Variants in GMDS observed in about 807,000 individuals in gnomAD.
GMDS encodes the protein GDP-mannose 4,6-dehydratase, also known as GDP-mannose 4,6 dehydratase.
Under a neutral mutation model 49.9 loss-of-function variants are expected in GMDS, and 20 were observed. That is an observed-to-expected ratio of 0.40 (90% CI 0.28 to 0.58). The LOEUF is 0.58. Among genes scored for constraint, GMDS ranks in the 20% least tolerant of loss-of-function variants. The probability of loss-of-function intolerance (pLI) is 0.42; values close to 1 mark genes in which losing one functional copy is unlikely to be tolerated. For synonymous variants in GMDS, 177 were observed against 178.6 expected, an observed-to-expected ratio of 0.99 and a Z score of 0.07; for missense variants, 362 against 481.4, an observed-to-expected ratio of 0.75 and a Z score of 2.32.
chr6:1,632,963 C>T (rs945781276), intron 9 of GMDS, among the ~76,000 whole-genome samples: 3 of 152,346 alleles, frequency 2.0e-5, no homozygotes, highest in East Asian at 3.9e-4. Flanking sequence ...AACCACTTAA[C>T]TCTTTCTTAA....
At chr6:1,986,418 AG>A (rs1765550311) in intron 4 of GMDS, among the ~76,000 whole-genome samples, 1 of 152,216 alleles carries the variant, frequency 6.6e-6, no homozygotes, top group Non-Finnish European at 1.5e-5. Flanking sequence ...CCATCAACAA[AG>A]ACCCAGAACT....
intron 9 of GMDS, among the ~76,000 whole-genome samples, chr6:1,673,553 A>G (rs1026254670): frequency 2.6e-5 from 4 of 152,064 alleles, no homozygotes; most frequent in African/African-American, 9.7e-5. Flanking sequence ...TATTATTATT[A>G]CCTAAAATCC....
At chr6:2,123,814 T>C (rs1775271654) in intron 2 of GMDS, among the ~76,000 whole-genome samples, 1 of 152,214 alleles carries the variant, frequency 6.6e-6, no homozygotes, top group Non-Finnish European at 1.5e-5. Flanking sequence ...TGTTACTTCT[T>C]CAAGTCTAAA....
chr6:1,993,639 C>T (rs1405891994), intron 4 of GMDS, among the ~76,000 whole-genome samples: 1 of 152,058 alleles, frequency 6.6e-6, no homozygotes, highest in African/African-American at 2.4e-5. Flanking sequence ...TCCTCATTCT[C>T]CAATTCCTCA....
In GMDS at chr6:2,118,192, G is replaced by T. The variant is rs187812178; in HGVS notation, c.148-636C>A. Among the ~76,000 whole-genome samples the T allele has an allele frequency of 1.7e-3, 259 of 152,178 alleles. 1 individual carries two copies. Among genetic ancestry groups the T allele is most frequent in the African/African-American group, 5.9e-3 (245 of 41,484 alleles). ...GTTTTATCTTGACTTAACCATAGGTGGGGGGTGGGGGGACAGTTGATAAAA... is the reference window on the plus strand; with the variant it reads ...GTTTTATCTTGACTTAACCATAGGTTGGGGGTGGGGGGACAGTTGATAAAA... On this transcript the variant is annotated intron_variant, in intron 2 of 10. Transcript: ENST00000380815.
At position 2,003,442 on chromosome 6, in the gene GMDS, C is replaced by T. The variant is rs114396053; in HGVS notation, c.346-42476G>A. On this transcript the variant is annotated intron_variant, in intron 4 of 10. Coordinates refer to ENST00000380815, the MANE Select transcript of GMDS (RefSeq NM_001500.4). Reference sequence around the variant, plus strand: ...GAAATGACTAGTGTAAACAATCTGCCCATTAAACCATAAATTTAGCAAGCA... The same window carrying T: ...GAAATGACTAGTGTAAACAATCTGCTCATTAAACCATAAATTTAGCAAGCA... Among the ~76,000 whole-genome samples the T allele has an allele frequency of 3.3e-3, 509 of 152,176 alleles. 2 individuals carry two copies. Among genetic ancestry groups the T allele is most frequent in the Non-Finnish European group, 4.6e-3 (314 of 68,008 alleles).
intron 1 of GMDS, among the ~76,000 whole-genome samples, chr6:2,219,667 C>A (rs1440677869): frequency 6.6e-6 from 1 of 152,232 alleles, no homozygotes; most frequent in Non-Finnish European, 1.5e-5. Context: ...AGACCAGTAA[C>A]AAACAGAGCA....
At chr6:1,841,046 T>C (rs1757132979) in intron 7 of GMDS, among the ~76,000 whole-genome samples, 1 of 152,222 alleles carries the variant, frequency 6.6e-6, no homozygotes. Flanking sequence ...AAACAGAATG[T>C]AGGTATCAGA....
chr6:1,698,698 C>T (rs1047049960), intron 9 of GMDS, among the ~76,000 whole-genome samples: 6 of 151,798 alleles, frequency 4.0e-5, no homozygotes, highest in South Asian at 2.1e-4. Context: ...GGGGGCCATC[C>T]GGCCCCAGTG....
At chr6:2,168,024 AAGTT>A (rs1028827690) in intron 1 of GMDS, among the ~76,000 whole-genome samples, 1 of 152,214 alleles carries the variant, frequency 6.6e-6, no homozygotes, top group Non-Finnish European at 1.5e-5. Flanking sequence ...TTTAAAGTGA[AAGTT>A]AGCCAATACT....
intron 7 of GMDS, among the ~76,000 whole-genome samples, chr6:1,815,903 C>T (rs1770646415): frequency 6.6e-6 from 1 of 152,156 alleles, no homozygotes; most frequent in African/African-American, 2.4e-5. Flanking sequence ...AAACAGCTGA[C>T]AGAATGTTGC....
At chr6:1,801,385 T>C (rs1009962596) in intron 7 of GMDS, among the ~76,000 whole-genome samples, 1 of 152,246 alleles carries the variant, frequency 6.6e-6, no homozygotes, top group Non-Finnish European at 1.5e-5. Flanking sequence ...TGGTAGCTAT[T>C]CAGTAGATAA....
intron 1 of GMDS, among the ~76,000 whole-genome samples, chr6:2,235,540 TG>T (rs1781317290): frequency 6.6e-6 from 1 of 151,944 alleles, no homozygotes; most frequent in Non-Finnish European, 1.5e-5. Context: ...GCACAGTGGC[TG>T]ACACCTGCAA....
At chr6:1,814,806 CTT>C (rs986475166) in intron 7 of GMDS, among the ~76,000 whole-genome samples, 1 of 152,088 alleles carries the variant, frequency 6.6e-6, no homozygotes, top group Admixed American at 6.5e-5. Flanking sequence ...CTCTAAACCT[CTT>C]TATATAAAAC....
At chr6:2,057,986 C>T (rs1471599565) in intron 4 of GMDS, among the ~76,000 whole-genome samples, 6 of 152,108 alleles carry the variant, frequency 3.9e-5, no homozygotes. Flanking sequence ...GGGTACACCA[C>T]AGAGAAACAT....
intron 4 of GMDS, among the ~76,000 whole-genome samples, chr6:2,065,125 G>T (rs1020882084): frequency 1.3e-5 from 2 of 152,114 alleles, no homozygotes; most frequent in Non-Finnish European, 2.9e-5. Context: ...CCTGACCCCT[G>T]AGCAGCCTAA....
At chr6:1,730,441 C>T (rs914666997) in intron 8 of GMDS, among the ~76,000 whole-genome samples, 18 of 152,092 alleles carry the variant, frequency 1.2e-4, no homozygotes, top group Non-Finnish European at 2.2e-4. Context: ...TGCAGAAGTT[C>T]CCAAATGCTC....
intron 7 of GMDS, among the ~76,000 whole-genome samples, chr6:1,775,728 T>C (rs965775767): frequency 2.0e-5 from 3 of 152,350 alleles, no homozygotes; most frequent in East Asian, 1.9e-4. Context: ...GTTTTTTGTT[T>C]TTCTTCTAGA....
At position 2,109,075 on chromosome 6, in the gene GMDS, C is replaced by T. The variant is rs369951664; in HGVS notation, c.345+6696G>A. ...GCTAAGGCAAATGACAGGCCTCAGT[C>T]CCAGGCAGAAACAGCAAAGACGGAT... On this transcript the variant is annotated intron_variant, in intron 4 of 10. Coordinates refer to ENST00000380815, the MANE Select transcript of GMDS (RefSeq NM_001500.4). Among the ~76,000 whole-genome samples, 3 of 152,284 alleles carry T rather than the reference C, an allele frequency of 2.0e-5. No homozygotes were observed. In the East Asian group the frequency reaches 5.8e-4, roughly 29 times the overall value.
Sources: gnomAD v4.1 joint callset for allele counts (sites outside exome capture counted in the v4.1 genomes callset) on GRCh38, gnomAD v4.1.1 for gene constraint, MANE v1.5 for transcripts, NCBI Gene and HGNC (gene_info 2026-07-23, HGNC 2026-07-21) for gene names.